Variants in DPYS observed in about 807,000 individuals in gnomAD.
DPYS encodes dihydropyrimidine amidohydrolase.
In DPYS, 39 loss-of-function variants were observed where a neutral mutation model predicts 50.3. The observed-to-expected ratio is 0.78, with a 90% CI of 0.60 to 1.01. The LOEUF (loss-of-function observed/expected upper bound fraction) is 1.01, where lower values mean the gene tolerates loss of function less well. DPYS is among the 50% of genes least tolerant of loss of function. The pLI is 0.00. For missense variants in DPYS, 659 were observed against 680.9 expected (o/e 0.97, Z 0.36); for synonymous variants, 245 against 250.7 (o/e 0.98, Z 0.22).
At chr8:104,421,169 AAAG>A (rs1382322255) in intron 7 of DPYS, 1 of 152,226 alleles carries the variant, frequency 6.6e-6, no homozygotes, top group Non-Finnish European at 1.5e-5. Context: ...AGACATAGAT[AAAG>A]AAGGCTTCAT....
At chr8:104,413,065 G>T (rs75928166) in intron 7 of DPYS, among the ~76,000 whole-genome samples, 8,279 of 152,216 alleles carry the variant, frequency 0.054, 239 homozygotes, top group Middle Eastern at 0.13. Flanking sequence ...ATAGATGAAT[G>T]CCCCAGAGAA....
At chr8:104,400,309 AG>A (rs1451396534) in intron 7 of DPYS, among the ~76,000 whole-genome samples, 4 of 152,236 alleles carry the variant, frequency 2.6e-5, no homozygotes, top group African/African-American at 9.6e-5. Context: ...AGAGTTCAAA[AG>A]GCCTGAGACT....
In DPYS at chr8:104,451,384, G is replaced by A. The variant is rs761618902; in HGVS notation, c.285C>T (p.Thr95=). 1.9e-6 allele frequency: 3 copies of A among 1,614,106 alleles called. No homozygotes were observed. The East Asian group carries it at 6.7e-5, about 36-fold the overall frequency. Residue 95 remains threonine, a synonymous_variant, in exon 2 of 10, where the codon ACC becomes ACT. Coordinates refer to ENST00000351513, the MANE Select transcript of DPYS (RefSeq NM_001385.3). ...GAATGGCGAAATCAATAATCATGGT[G>A]GTGCCTCCTGAGAGAGCAGCCTGGA... ...QGTKAALSGG[T]TMIIDFAIPQ... is the part of the protein sequence containing the mutation.
At chr8:104,465,969 C>T (rs1038078323) in intron 1 of DPYS, among the ~76,000 whole-genome samples, 2 of 151,294 alleles carry the variant, frequency 1.3e-5, no homozygotes, top group South Asian at 2.1e-4. Flanking sequence ...GAGCCTGCTG[C>T]GAGGCTGCGT....
At chr8:104,401,250 T>C (rs1285614793) in intron 7 of DPYS, among the ~76,000 whole-genome samples, 2 of 151,870 alleles carry the variant, frequency 1.3e-5, no homozygotes, top group Non-Finnish European at 2.9e-5. Context: ...GTATTCAGTG[T>C]GAAACAATAA....
intron 3 of DPYS, among the ~76,000 whole-genome samples, 179 bp from the exon 4 acceptor site, chr8:104,444,616 T>C (rs1285676954): frequency 2.0e-5 from 3 of 152,204 alleles, no homozygotes; most frequent in Non-Finnish European, 4.4e-5. Context: ...ATAACACATA[T>C]ATATATAACA....
At chr8:104,423,225 T>C (rs1329367569) in intron 7 of DPYS, among the ~76,000 whole-genome samples, 1 of 152,210 alleles carries the variant, frequency 6.6e-6, no homozygotes, top group East Asian at 1.9e-4. Context: ...AACTGAAGGC[T>C]GCTTGCTTGC....
intron 4 of DPYS, among the ~76,000 whole-genome samples, chr8:104,436,554 G>T (rs868633508): frequency 2.0e-5 from 3 of 152,100 alleles, no homozygotes; most frequent in South Asian, 2.1e-4. Flanking sequence ...AGGTTGCAGT[G>T]AGCCGAGATT....
chr8:104,411,567 T>C (rs1223741107), intron 7 of DPYS, among the ~76,000 whole-genome samples: 1 of 152,046 alleles, frequency 6.6e-6, no homozygotes, highest in Non-Finnish European at 1.5e-5. Flanking sequence ...TTAAGAAATT[T>C]TGGAGAGGGA....
intron 3 of DPYS, among the ~76,000 whole-genome samples, 172 bp downstream of exon 3, chr8:104,447,152 A>G (rs896488560): frequency 6.6e-6 from 1 of 152,154 alleles, no homozygotes; most frequent in Non-Finnish European, 1.5e-5. Flanking sequence ...AAGGAAATGG[A>G]GTTGGGAGTT....
At chr8:104,463,241 T>C (rs1044542907) in intron 1 of DPYS, among the ~76,000 whole-genome samples, 1 of 152,220 alleles carries the variant, frequency 6.6e-6, no homozygotes, top group African/African-American at 2.4e-5. Flanking sequence ...TTACAAATGA[T>C]ATGGCTATAA....
chr8:104,395,677 A>T (rs919294538), intron 7 of DPYS, among the ~76,000 whole-genome samples: 1 of 152,230 alleles, frequency 6.6e-6, no homozygotes, highest in African/African-American at 2.4e-5. Flanking sequence ...GACATACCGC[A>T]GTGCTATACA....
intron 4 of DPYS, among the ~76,000 whole-genome samples, chr8:104,430,365 A>AT (rs944050849): frequency 4.6e-5 from 7 of 150,714 alleles, no homozygotes; most frequent in Admixed American, 6.6e-5. Context: ...GAGGCCATCA[A>AT]AAAAAAAAGC....
rs1588436133 is a variant in DPYS, at chr8:104,428,181, C to T, written c.951-60G>A. The T allele has an allele frequency of 2.5e-6, 4 of 1,603,374 alleles. No homozygotes were observed. The East Asian group carries it at 8.9e-5, about 36-fold the overall frequency. On this transcript the variant is annotated intron_variant, in intron 5 of 9. Coordinates refer to ENST00000351513, the MANE Select transcript of DPYS (RefSeq NM_001385.3). ...GTATACAGAATATGTTAGGAGGAAA[C>T]TGCCATAACCTTTCCTAATCTCCTG...
At chr8:104,424,422 T>C in intron 6 of DPYS, 33 bp from the exon 7 acceptor site, 1 of 1,608,328 alleles carries the variant, frequency 6.2e-7, no homozygotes, top group East Asian at 2.2e-5. Context: ...ATTCTAATGA[T>C]CAAATACTAA....
intron 8 of DPYS, among the ~76,000 whole-genome samples, chr8:104,384,769 C>A (rs1811159329): frequency 6.6e-6 from 1 of 152,170 alleles, no homozygotes; most frequent in Non-Finnish European, 1.5e-5. Context: ...CTAATTCTTA[C>A]AGGACATTTA....
At chr8:104,422,856 G>A (rs1047708555) in intron 7 of DPYS, among the ~76,000 whole-genome samples, 5 of 152,124 alleles carry the variant, frequency 3.3e-5, no homozygotes, top group Non-Finnish European at 5.9e-5. Flanking sequence ...ACAGCAGCCC[G>A]CTGTAGAGTG....
intron 8 of DPYS, among the ~76,000 whole-genome samples, chr8:104,387,356 C>T (rs1811245440): frequency 6.6e-6 from 1 of 151,912 alleles, no homozygotes; most frequent in South Asian, 2.1e-4. Flanking sequence ...AATAAATAAA[C>T]AAACAAACAA....
intron 7 of DPYS, among the ~76,000 whole-genome samples, chr8:104,415,860 G>T (rs1447485982): frequency 6.6e-6 from 1 of 152,018 alleles, no homozygotes; most frequent in Non-Finnish European, 1.5e-5. Flanking sequence ...ATTATACAAA[G>T]ATTTCTGACT....
Sources: gnomAD v4.1 joint callset for allele counts (sites outside exome capture counted in the v4.1 genomes callset) on GRCh38, gnomAD v4.1.1 for gene constraint, MANE v1.5 for transcripts, NCBI Gene and HGNC (gene_info 2026-07-23, HGNC 2026-07-21) for gene names.